Variants in PIAS2 observed in about 807,000 individuals in gnomAD.
The protein encoded by PIAS2 is E3 SUMO-protein ligase PIAS2.
PIAS2 carries 19 observed loss-of-function variants against 69.7 expected under a neutral mutation model. The ratio of observed to expected loss-of-function variants is 0.27; its 90% CI spans 0.19 to 0.40. The LOEUF (loss-of-function observed/expected upper bound fraction) is 0.40. Among genes scored for constraint, PIAS2 ranks in the 10% least tolerant of loss-of-function variants. The pLI is 1.00. For missense variants in PIAS2, 624 were observed against 757.0 expected, an observed-to-expected ratio of 0.82 and a Z score of 2.06; for synonymous variants, 261 against 263.2, an observed-to-expected ratio of 0.99 and a Z score of 0.08.
chr18:46,814,625 C>T (rs2041320660), intron 13 of PIAS2, among the ~76,000 whole-genome samples: 1 of 152,106 alleles, frequency 6.6e-6, no homozygotes, highest in Admixed American at 6.5e-5. Flanking sequence ...AAGCAGTGAC[C>T]CGTGGTTCTT....
At chr18:46,830,436 G>T (rs527919993) in intron 9 of PIAS2, among the ~76,000 whole-genome samples, 1 of 151,890 alleles carries the variant, frequency 6.6e-6, no homozygotes, top group African/African-American at 2.4e-5. Flanking sequence ...TAAACTGAAT[G>T]AAAATAAAAA....
At chr18:46,827,785 T>A (rs2043029860) in intron 11 of PIAS2, 174 bp downstream of exon 11, 2 of 511,966 alleles carry the variant, frequency 3.9e-6, no homozygotes, top group South Asian at 4.2e-5. Context: ...ATTTTCTCCA[T>A]CAAAATTTGC....
chr18:46,900,543 G>A (rs2055651856), intron 1 of PIAS2, among the ~76,000 whole-genome samples: 1 of 151,956 alleles, frequency 6.6e-6, no homozygotes, highest in East Asian at 1.9e-4. Flanking sequence ...ACGGCTTGGT[G>A]GTGCTCAACT....
intron 3 of PIAS2, among the ~76,000 whole-genome samples, chr18:46,856,737 T>C (rs114554410): frequency 0.019 from 2,955 of 152,290 alleles, 80 homozygotes; most frequent in African/African-American, 0.065. Context: ...CCCTTAGCCA[T>C]TGTCATAAAT....
chr18:46,870,581 AC>A (rs2050190819), intron 2 of PIAS2, among the ~76,000 whole-genome samples: 1 of 127,668 alleles, frequency 7.8e-6, no homozygotes. Context: ...GTGCCACTGC[AC>A]TCCAGCCTGG....
intron 1 of PIAS2, among the ~76,000 whole-genome samples, chr18:46,914,752 G>A (rs1222177799): frequency 2.6e-5 from 4 of 152,002 alleles, no homozygotes; most frequent in African/African-American, 4.8e-5. Flanking sequence ...TCCTCTCTGT[G>A]GCATATCAGC....
At position 46,833,364 on chromosome 18, in the gene PIAS2, T is replaced by C. The variant is rs139038851; in HGVS notation, c.1202+2993A>G. ...CTAATCTATAGAAACAGAAAGCATA[T>C]CAGTGTTTGCTTGAGGACTGAGAGG... On this transcript the variant is annotated intron_variant, in intron 9 of 13. Transcript: ENST00000585916. 2.2e-4 allele frequency among the ~76,000 whole-genome samples: 33 copies of C among 152,250 alleles called. No individual in the cohort carries two copies. The East Asian group carries it at 6.2e-3, about 28-fold the overall frequency.
chr18:46,839,391 T>C (rs2044954539), intron 8 of PIAS2, among the ~76,000 whole-genome samples: 3 of 152,362 alleles, frequency 2.0e-5, no homozygotes, highest in Admixed American at 2.0e-4. Flanking sequence ...ACTAGTAATG[T>C]TACTTCTGAA....
chr18:46,913,827 G>A (rs1274619568), intron 1 of PIAS2, among the ~76,000 whole-genome samples: 1 of 152,192 alleles, frequency 6.6e-6, no homozygotes, highest in Non-Finnish European at 1.5e-5. Flanking sequence ...GTTTGAGACA[G>A]GGTCTCCCTC....
intron 2 of PIAS2, 48 bp downstream of exon 2, chr18:46,890,532 T>A: frequency 8.6e-7 from 1 of 1,158,640 alleles, no homozygotes; most frequent in South Asian, 1.4e-5. Flanking sequence ...AGGTCTCTCA[T>A]TTCATTTACT....
At chr18:46,825,288 C>T (rs1443385413) in intron 11 of PIAS2, among the ~76,000 whole-genome samples, 2 of 152,184 alleles carry the variant, frequency 1.3e-5, no homozygotes, top group African/African-American at 4.8e-5. Context: ...CACTATGACA[C>T]TGTGACAGGT....
At chr18:46,879,056 GT>G (rs2145830543) in intron 2 of PIAS2, among the ~76,000 whole-genome samples, 1 of 152,276 alleles carries the variant, frequency 6.6e-6, no homozygotes, top group East Asian at 1.9e-4. Flanking sequence ...GAATGAATCA[GT>G]TTAATTACTC....
chr18:46,836,698 T>C (rs2044490017), intron 8 of PIAS2, among the ~76,000 whole-genome samples, 181 bp from the exon 9 acceptor site: 1 of 152,208 alleles, frequency 6.6e-6, no homozygotes, highest in African/African-American at 2.4e-5. Flanking sequence ...GACTGCCCTA[T>C]GATTTTTGAA....
intron 2 of PIAS2, among the ~76,000 whole-genome samples, chr18:46,872,420 A>G (rs1408057563): frequency 1.3e-5 from 2 of 152,224 alleles, no homozygotes; most frequent in Non-Finnish European, 2.9e-5. Flanking sequence ...TTGCCCCAAG[A>G]GTTTAGAGAT....
intron 1 of PIAS2, among the ~76,000 whole-genome samples, chr18:46,914,565 C>T (rs906720627): frequency 3.4e-5 from 5 of 147,630 alleles, no homozygotes; most frequent in Non-Finnish European, 7.5e-5. Flanking sequence ...CCCTCCCCCC[C>T]CCAACTCCAC....
intron 3 of PIAS2, among the ~76,000 whole-genome samples, chr18:46,858,477 C>T (rs1358958343): frequency 6.6e-6 from 1 of 152,112 alleles, no homozygotes; most frequent in African/African-American, 2.4e-5. Flanking sequence ...TTTAGGAAGG[C>T]TGAGGTAGGT....
Position 46,836,499 on chromosome 18 carries a change from T to A in PIAS2, c.1060A>T (p.Thr354Ser). Reference sequence around the variant, plus strand: ...CAAGTCACTGCACGGCATGGGATTGTCAGCCTCATTTTTCCTAACTACAGG... The same window carrying A: ...CAAGTCACTGCACGGCATGGGATTGACAGCCTCATTTTTCCTAACTACAGG... ...LMCPLGKMRL[T>S]IPCRAVTCTH... The change falls in exon 9 of 14, where the codon ACA (threonine) becomes TCA (serine). Residue 354 changes from threonine to serine, a missense_variant. By Grantham distance (58) the Thr-to-Ser change is moderately conservative. Transcript: ENST00000585916. 1 of 1,611,862 alleles carries A rather than the reference T, an allele frequency of 6.2e-7. No individual in the cohort carries two copies.
At chr18:46,845,053 T>C in intron 6 of PIAS2, 1 of 331,134 alleles carries the variant, frequency 3.0e-6, no homozygotes, top group Non-Finnish European at 5.4e-6. Context: ...TGATCATTTA[T>C]CACTTTAAAA....
chr18:46,916,716 A>T (rs1029083501), intron 1 of PIAS2: 1 of 595,542 alleles, frequency 1.7e-6, no homozygotes, highest in Non-Finnish European at 2.1e-6. Flanking sequence ...TAAAACACTA[A>T]GAAAATATCG....
Sources: gnomAD v4.1 joint callset for allele counts (sites outside exome capture counted in the v4.1 genomes callset) on GRCh38, gnomAD v4.1.1 for gene constraint, MANE v1.5 for transcripts, NCBI Gene and HGNC (gene_info 2026-07-23, HGNC 2026-07-21) for gene names.